Variants in ADISSP observed in about 807,000 individuals in gnomAD.
ADISSP encodes the protein adipose-secreted signaling protein.
the ADISSP span, among the ~76,000 whole-genome samples, chr20:3,765,172 C>T: frequency 6.6e-6 from 1 of 152,240 alleles, no homozygotes; most frequent in Non-Finnish European, 1.5e-5. Flanking sequence ...CTGCTGGTCG[C>T]TGTCCTCGGG....
the ADISSP span, among the ~76,000 whole-genome samples, chr20:3,759,676 G>C: frequency 2.6e-5 from 4 of 152,014 alleles, no homozygotes. The surrounding 1 kb of genome is among the most constrained non-coding windows in gnomAD (Gnocchi z 4.6). Context: ...AGATCACCCT[G>C]GCCTAAAACC....
the ADISSP span, chr20:3,760,241 C>G: frequency 3.1e-6 from 2 of 650,616 alleles, no homozygotes; most frequent in Non-Finnish European, 5.4e-6. Context: ...GGACCCATGG[C>G]TCAGGGACAC....
At chr20:3,762,763 C>T in the ADISSP span, among the ~76,000 whole-genome samples, 1 of 152,202 alleles carries the variant, frequency 6.6e-6, no homozygotes, top group African/African-American at 2.4e-5. Context: ...ATGATAGAGA[C>T]CATATGGCCT....
the ADISSP span, among the ~76,000 whole-genome samples, chr20:3,766,742 T>C: frequency 2.6e-5 from 4 of 152,122 alleles, no homozygotes; most frequent in African/African-American, 9.7e-5. Context: ...ATGGATAGAA[T>C]GTGGGGGGAT....
chr20:3,759,217 T>A, the ADISSP span, among the ~76,000 whole-genome samples: 1 of 152,006 alleles, frequency 6.6e-6, no homozygotes, highest in Non-Finnish European at 1.5e-5. The surrounding 1 kb of genome is among the most constrained non-coding windows in gnomAD (Gnocchi z 4.6). Context: ...AAAAACACAC[T>A]CAGGCCACCT....
chr20:3,760,588 T>C, the ADISSP span, among the ~76,000 whole-genome samples: 1 of 152,208 alleles, frequency 6.6e-6, no homozygotes, highest in African/African-American at 2.4e-5. Flanking sequence ...GGAGCTACCT[T>C]ATTCAGGTCA....
At chr20:3,765,087 T>C in the ADISSP span, among the ~76,000 whole-genome samples, 13 of 152,200 alleles carry the variant, frequency 8.5e-5, no homozygotes, top group Admixed American at 7.2e-4. Flanking sequence ...AGTGACAACA[T>C]AGAGGCAGGA....
chr20:3,754,052 C>A, the ADISSP span: 20 of 1,608,102 alleles, frequency 1.2e-5, no homozygotes, highest in Middle Eastern at 1.7e-4. Flanking sequence ...GGCGGGGCCT[C>A]GGGCCTCAGT....
At chr20:3,768,017 G>A in the ADISSP span, 1 of 152,376 alleles carries the variant, frequency 6.6e-6, no homozygotes, top group Non-Finnish European at 1.5e-5. Context: ...AGAGGGAGAA[G>A]GAGGGCCTCG....
the ADISSP span, chr20:3,755,515 G>C: frequency 6.2e-7 from 1 of 1,613,134 alleles, no homozygotes; most frequent in Non-Finnish European, 8.5e-7. Context: ...GCAGGCTGGG[G>C]ACAGGTGCCT....
At chr20:3,754,599 C>A in the ADISSP span, 1 of 1,458,182 alleles carries the variant, frequency 6.9e-7, no homozygotes, top group Non-Finnish European at 9.5e-7. Context: ...GGCCCCTACC[C>A]ACCACCATGG....
chr20:3,760,188 T>TTGC, the ADISSP span: 1 of 1,154,408 alleles, frequency 8.7e-7, no homozygotes, highest in Non-Finnish European at 1.3e-6. Context: ...AGCGGGAGCC[T>TTGC]GAAGGATAGG....
the ADISSP span, among the ~76,000 whole-genome samples, chr20:3,765,205 C>A: frequency 6.6e-6 from 1 of 152,224 alleles, no homozygotes; most frequent in Non-Finnish European, 1.5e-5. Context: ...TGTGCACACA[C>A]AATTCCTCAT....
chr20:3,766,794 A>G, the ADISSP span, among the ~76,000 whole-genome samples: 151,592 of 152,292 alleles, frequency 1, 75,452 homozygotes, highest in Middle Eastern at 1. Context: ...AGAATGGGAG[A>G]GGGATGGGGT....
At chr20:3,753,984 C>G in the ADISSP span, 2 of 1,177,706 alleles carry the variant, frequency 1.7e-6, no homozygotes, top group Non-Finnish European at 2.5e-6. Context: ...GGAAGCCACA[C>G]CATCACGCAG....
At chr20:3,757,948 T>G in the ADISSP span, among the ~76,000 whole-genome samples, 1 of 151,958 alleles carries the variant, frequency 6.6e-6, no homozygotes, top group South Asian at 2.1e-4. Context: ...TCTGGACCCC[T>G]GATTTATTGA....
At chr20:3,755,543 A>T in the ADISSP span, 1 of 1,613,518 alleles carries the variant, frequency 6.2e-7, no homozygotes, top group Non-Finnish European at 8.5e-7. Flanking sequence ...ATCCTTGCTC[A>T]GCCTGTGCAC....
the ADISSP span, chr20:3,753,917 A>C: frequency 3.6e-5 from 23 of 643,600 alleles, no homozygotes; most frequent in Non-Finnish European, 5.9e-5. Context: ...ATGAAGGCAG[A>C]GGTGAGAGGC....
chr20:3,755,046 GGCCTGAAGTGAGCCTGATAGGAACAGCA>G, the ADISSP span, among the ~76,000 whole-genome samples: 1 of 152,180 alleles, frequency 6.6e-6, no homozygotes. Flanking sequence ...CATGGGGCAG[GGCCTGAAGTGAGCCTGATAGGAACAGCA>G]GCCTGAAACC....
Sources: gnomAD v4.1 joint callset for allele counts (sites outside exome capture counted in the v4.1 genomes callset) on GRCh38, gnomAD v4.1.1 for gene constraint, Gnocchi (gnomAD v3.1) non-coding constraint, MANE v1.5 for transcripts, NCBI Gene and HGNC (gene_info 2026-07-23, HGNC 2026-07-21) for gene names.